The following INPP4B variants were observed in gnomAD, a reference collection of about 807,000 sequenced individuals.
INPP4B encodes the protein inositol polyphosphate 4-phosphatase type II.
A neutral mutation model predicts 122.5 loss-of-function variants in INPP4B; 55 were observed. The observed-to-expected ratio is 0.45, with a 90% confidence interval of 0.36 to 0.56. The LOEUF is 0.56. INPP4B is among the 20% of genes least tolerant of loss of function. The pLI, the probability that INPP4B is intolerant of heterozygous loss-of-function variation, is 0.00. For missense variants in INPP4B, 1,000 were observed against 1,097.7 expected (o/e 0.91, Z 1.26); for synonymous variants, 403 against 388.7 (o/e 1.04, Z -0.43).
intron 7 of INPP4B, among the ~76,000 whole-genome samples, chr4:142,341,073 AAC>A (rs1372199997): frequency 6.6e-6 from 1 of 152,198 alleles, no homozygotes; most frequent in Non-Finnish European, 1.5e-5. Context: ...AGAAGAACAC[AAC>A]ACAGTTTCCA....
intron 2 of INPP4B, chr4:142,496,812 C>T (rs1446373056): frequency 1.3e-5 from 2 of 152,130 alleles, no homozygotes; most frequent in South Asian, 4.1e-4. Flanking sequence ...AGTAAATAAT[C>T]GTCTTAACTT....
chr4:142,040,042 G>A (rs559113001), intron 25 of INPP4B, among the ~76,000 whole-genome samples: 6 of 151,426 alleles, frequency 4.0e-5, no homozygotes, highest in African/African-American at 1.5e-4. Context: ...GGGTTGGGGG[G>A]GTAATACAGA....
intron 5 of INPP4B, among the ~76,000 whole-genome samples, chr4:142,423,256 T>C (rs977947044): frequency 3.9e-5 from 6 of 152,094 alleles, no homozygotes; most frequent in African/African-American, 1.4e-4. Flanking sequence ...TCATAAAGTA[T>C]GAATGGACCT....
At chr4:142,219,459 T>A (rs1197582869) in intron 12 of INPP4B, among the ~76,000 whole-genome samples, 1 of 152,226 alleles carries the variant, frequency 6.6e-6, no homozygotes, top group Non-Finnish European at 1.5e-5. Context: ...TTAAAGTTAT[T>A]AAACATGGCC....
rs958151468 is a variant in INPP4B at position 142,322,073 on chromosome 4, C to T, written c.373-7311G>A. On this transcript the variant is annotated intron_variant, in intron 7 of 25. Coordinates refer to ENST00000262992, the MANE Select transcript of INPP4B (RefSeq NM_001101669.3). ...GAGATTAAGAAGACAAGGTATATTT[C>T]GTTGATACGCAATAACAATGGCATG... 1.3e-4 allele frequency among the ~76,000 whole-genome samples: 20 copies of T among 152,230 alleles called. 1 individual carries two copies. Among genetic ancestry groups the T allele is most frequent in the South Asian group, 2.1e-4 (1 of 4,826 alleles).
intron 2 of INPP4B, among the ~76,000 whole-genome samples, chr4:142,694,427 C>A (rs1469975240): frequency 2.0e-4 from 31 of 151,324 alleles, no homozygotes; most frequent in Admixed American, 2.0e-3. Context: ...ACTCAAATGC[C>A]TTTTAGTTCA....
intron 2 of INPP4B, among the ~76,000 whole-genome samples, chr4:142,479,512 A>C (rs950124682): frequency 2.0e-5 from 3 of 152,146 alleles, no homozygotes; most frequent in African/African-American, 7.2e-5. Context: ...CATGCACATG[A>C]ATGTTCATTG....
intron 25 of INPP4B, among the ~76,000 whole-genome samples, chr4:142,053,618 C>T (rs1228907948): frequency 6.6e-6 from 1 of 151,882 alleles, no homozygotes; most frequent in East Asian, 1.9e-4. Flanking sequence ...AAATACTTTA[C>T]TTTAGATATG....
chr4:142,282,586 C>T (rs529248028), intron 9 of INPP4B, among the ~76,000 whole-genome samples: 1 of 152,234 alleles, frequency 6.6e-6, no homozygotes, highest in East Asian at 1.9e-4. Flanking sequence ...GTTGGTAGAA[C>T]TTATTTTCTT....
At chr4:142,591,296 C>CA (rs375855393) in intron 2 of INPP4B, among the ~76,000 whole-genome samples, 30 of 147,198 alleles carry the variant, frequency 2.0e-4, no homozygotes, top group East Asian at 3.9e-4. Flanking sequence ...ACATACCCCT[C>CA]AAAAAAAAAA....
intron 14 of INPP4B, among the ~76,000 whole-genome samples, chr4:142,205,679 G>A (rs1842320660): frequency 6.6e-6 from 1 of 152,088 alleles, no homozygotes; most frequent in South Asian, 2.1e-4. Context: ...AGCAGACTCA[G>A]CTCATGTAAA....
intron 1 of INPP4B, among the ~76,000 whole-genome samples, chr4:142,732,433 TA>T (rs1382212758): frequency 5.3e-5 from 8 of 152,022 alleles, no homozygotes; most frequent in Non-Finnish European, 1.2e-4. Context: ...GAAATACATT[TA>T]AAATGAAAAT....
intron 2 of INPP4B, among the ~76,000 whole-genome samples, chr4:142,524,979 C>A (rs973783186): frequency 1.3e-4 from 20 of 152,108 alleles, no homozygotes; most frequent in South Asian, 1.0e-3. Context: ...GATTGTATAT[C>A]TAGAAAACCC....
intron 17 of INPP4B, among the ~76,000 whole-genome samples, chr4:142,151,133 G>C (rs180812113): frequency 2.1e-4 from 32 of 152,286 alleles, no homozygotes; most frequent in African/African-American, 6.0e-4. Flanking sequence ...GCCAAGGTCT[G>C]TAATACTGCA....
intron 1 of INPP4B, among the ~76,000 whole-genome samples, chr4:142,744,784 T>A (rs1036895795): frequency 4.0e-5 from 6 of 151,552 alleles, no homozygotes; most frequent in African/African-American, 9.7e-5. Flanking sequence ...AAGGGAAAAA[T>A]TAAACTATAT....
chr4:142,304,532 T>C (rs1178224712), intron 9 of INPP4B, among the ~76,000 whole-genome samples: 1 of 151,992 alleles, frequency 6.6e-6, no homozygotes, highest in Non-Finnish European at 1.5e-5. Context: ...AGACAAATCC[T>C]GGCATAGAGA....
At chr4:142,524,919 A>G (rs1237456425) in intron 2 of INPP4B, among the ~76,000 whole-genome samples, 2 of 152,128 alleles carry the variant, frequency 1.3e-5, no homozygotes, top group Non-Finnish European at 2.9e-5. Context: ...AATAAAGGGC[A>G]TTCAATTTGG....
intron 2 of INPP4B, among the ~76,000 whole-genome samples, chr4:142,469,153 A>C (rs1580144965): frequency 6.6e-6 from 1 of 152,098 alleles, no homozygotes; most frequent in East Asian, 1.9e-4. Flanking sequence ...AAAAAATTCT[A>C]TTAGAATTAA....
intron 25 of INPP4B, chr4:142,029,962 A>G (rs1282073676): frequency 7.3e-6 from 10 of 1,369,600 alleles, no homozygotes; most frequent in African/African-American, 1.5e-5. Context: ...AATCCACCTA[A>G]TGCATAGTAC....
Sources: allele counts gnomAD v4.1 joint callset (sites outside exome capture counted in the v4.1 genomes callset), GRCh38; gene constraint gnomAD v4.1.1; transcripts MANE v1.5; gene names NCBI Gene and HGNC (gene_info 2026-07-23, HGNC 2026-07-21).